EPB41L5: variants seen among roughly 807,000 people sequenced by gnomAD.
The protein encoded by EPB41L5 is band 4.1-like protein 5.
Under a neutral mutation model 106.6 loss-of-function variants are expected in EPB41L5, and 55 were observed. The observed-to-expected ratio is 0.52, with a 90% CI of 0.42 to 0.65. EPB41L5 has a LOEUF of 0.65. Ranked by LOEUF, EPB41L5 falls within the 30% of genes least tolerant of loss-of-function variation. The pLI, the probability that EPB41L5 is intolerant of heterozygous loss-of-function variation, is 0.00. For synonymous variants in EPB41L5, 297 were observed against 306.7 expected, an observed-to-expected ratio of 0.97 and a Z score of 0.33; for missense variants, 871 against 882.1, an observed-to-expected ratio of 0.99 and a Z score of 0.16.
chr2:120,079,274 C>T (rs186909803), intron 10 of EPB41L5, among the ~76,000 whole-genome samples: 7 of 152,290 alleles, frequency 4.6e-5, no homozygotes, highest in Admixed American at 2.0e-4. Flanking sequence ...TAGCCCACTA[C>T]GTATATTTTT....
intron 18 of EPB41L5, among the ~76,000 whole-genome samples, chr2:120,136,744 T>C (rs911212457): frequency 6.6e-6 from 1 of 152,070 alleles, no homozygotes; most frequent in South Asian, 2.1e-4. Context: ...TACCCAGATA[T>C]GTAGAGCAGA....
At chr2:120,034,719 GCCAGGCAT>G (rs1348260430) in intron 2 of EPB41L5, among the ~76,000 whole-genome samples, 1 of 151,872 alleles carries the variant, frequency 6.6e-6, no homozygotes, top group Non-Finnish European at 1.5e-5. Context: ...ACGAAAATTA[GCCAGGCAT>G]CATGGTGCAC....
chr2:120,049,499 T>G (rs1302614079), intron 3 of EPB41L5, among the ~76,000 whole-genome samples: 1 of 152,160 alleles, frequency 6.6e-6, no homozygotes, highest in Non-Finnish European at 1.5e-5. Flanking sequence ...GCTTTTTTTT[T>G]GTTTTCCATT....
At chr2:120,077,423 C>A in intron 9 of EPB41L5, 107 bp downstream of exon 9, 1 of 758,638 alleles carries the variant, frequency 1.3e-6, no homozygotes, top group South Asian at 2.4e-5. Flanking sequence ...CATAAGCTAG[C>A]ACTGGGTACT....
intron 8 of EPB41L5, 58 bp downstream of exon 8, chr2:120,077,149 A>G: frequency 6.3e-7 from 1 of 1,589,348 alleles, no homozygotes; most frequent in Non-Finnish European, 8.6e-7. Flanking sequence ...TTTCATATTC[A>G]TTTTCTTCTG....
chr2:120,014,607 A>G (rs905813010), intron 1 of EPB41L5, among the ~76,000 whole-genome samples: 33 of 152,374 alleles, frequency 2.2e-4, no homozygotes, highest in African/African-American at 3.8e-4. Context: ...TTTTCTGAGA[A>G]TAAGACATTT....
chr2:120,171,262 G>A (rs1404920609), intron 24 of EPB41L5, among the ~76,000 whole-genome samples: 1 of 152,172 alleles, frequency 6.6e-6, no homozygotes, highest in Non-Finnish European at 1.5e-5. Flanking sequence ...AAAATAAAAA[G>A]CAAGCCAGTT....
chr2:120,019,490 AT>A lies in EPB41L5; in HGVS notation c.180+229del, dbSNP rs3216702. Among the ~76,000 whole-genome samples, 39 of 152,306 alleles carry A rather than the reference AT, an allele frequency of 2.6e-4. No homozygotes were observed. In the East Asian group the frequency reaches 7.3e-3, roughly 29 times the overall value. On this transcript the variant is annotated intron_variant, in intron 2 of 24. Transcript: ENST00000263713. Reference sequence around the variant, plus strand: ...GGAATTAGTGGCGATTACCTGAAACATTTAAATGACAGGGCAGTTATTGGCA... The same window carrying A: ...GGAATTAGTGGCGATTACCTGAAACATTAAATGACAGGGCAGTTATTGGCA...
chr2:120,122,823 C>T (rs1433073343), intron 16 of EPB41L5, among the ~76,000 whole-genome samples: 1 of 152,202 alleles, frequency 6.6e-6, no homozygotes, highest in South Asian at 2.1e-4. Context: ...GAATGTTCTT[C>T]CAGTTGTTTG....
At chr2:120,078,678 T>C (rs376341616) in intron 10 of EPB41L5, 97 bp downstream of exon 10, 6 of 740,428 alleles carry the variant, frequency 8.1e-6, no homozygotes, top group Non-Finnish European at 1.3e-5. Context: ...TCAAATAGTT[T>C]TGAAAAACTT....
In EPB41L5 at chr2:120,024,581, C is replaced by T. The variant is rs367916534; in HGVS notation, c.180+5317C>T. ...ATGCCATTCTGCTGCCTCAGCCTCC[C>T]GAGTAGCTGGGACTACAGGTGCCTG... On this transcript the variant is annotated intron_variant, in intron 2 of 24. Transcript: ENST00000263713. Among the ~76,000 whole-genome samples the T allele has an allele frequency of 8.9e-4, 135 of 152,162 alleles. 1 individual carries two copies. Among genetic ancestry groups the T allele is most frequent in the Admixed American group, 2.3e-3 (35 of 15,278 alleles).
chr2:120,178,031 C>T lies in EPB41L5; in HGVS notation c.*3124C>T, dbSNP rs906474370. On this transcript the variant is annotated 3_prime_UTR_variant, in exon 25 of 25. Transcript: ENST00000263713. ...TTTTCTAAGTAAGAGTCTCGAGAAGCAGAGTTTTTGTCTTGTCATTGAGAG... is the reference window on the plus strand; with the variant it reads ...TTTTCTAAGTAAGAGTCTCGAGAAGTAGAGTTTTTGTCTTGTCATTGAGAG... 6.5e-6 allele frequency: 1 copy of T among 152,686 alleles called. No homozygotes were observed. The highest frequency in any genetic ancestry group is 1.5e-5 in the Non-Finnish European group (1 of 68,042). The allele number at this position is 152,686 out of a possible 1,614,324, so 9.5% of individuals were successfully genotyped here.
chr2:120,123,576 A>G (rs369779076), intron 16 of EPB41L5, among the ~76,000 whole-genome samples: 1 of 151,552 alleles, frequency 6.6e-6, no homozygotes, highest in Admixed American at 6.6e-5. Context: ...CTAATTTAAC[A>G]ATTTCCCCTT....
rs537658292 is a variant in EPB41L5 at position 120,168,542 on chromosome 2, C to T, written c.2135+535C>T. Among the ~76,000 whole-genome samples, 451 of 152,288 alleles carry T rather than the reference C, an allele frequency of 3.0e-3. 1 individual carries two copies. Among genetic ancestry groups the T allele is most frequent in the Non-Finnish European group, 4.9e-3 (334 of 68,014 alleles). On this transcript the variant is annotated intron_variant, in intron 24 of 24. Coordinates refer to ENST00000263713, the MANE Select transcript of EPB41L5 (RefSeq NM_020909.4). ...TTCTTCAACTTTTGATTTGCTAGAA[C>T]CATAACTGCACCTGTTTTACAAAAG...
chr2:120,078,554 G>A lies in EPB41L5; in HGVS notation c.776G>A (p.Gly259Glu). ...CCAACAGGAGTCCTTGTTTTTGAAG[G>A]AGATACCAAAATTGGCTTATTTTTT... ...LTPTGVLVFE[G>E]DTKIGLFFWP... The change falls in exon 10 of 25, where the codon GGA (glycine) becomes GAA (glutamate). Residue 259 changes from glycine to glutamate, a missense_variant. Coordinates refer to ENST00000263713, the MANE Select transcript of EPB41L5 (RefSeq NM_020909.4). 3 of 1,605,574 alleles carry A rather than the reference G, an allele frequency of 1.9e-6. No individual in the cohort carries two copies. The highest frequency in any genetic ancestry group is 2.2e-5 in the South Asian group (2 of 90,004).
chr2:120,081,967 G>A (rs1230906157), intron 10 of EPB41L5, among the ~76,000 whole-genome samples: 1 of 152,210 alleles, frequency 6.6e-6, no homozygotes, highest in Non-Finnish European at 1.5e-5. Flanking sequence ...TTTGTATACT[G>A]AGACTTTGCT....
intron 16 of EPB41L5, among the ~76,000 whole-genome samples, chr2:120,126,916 A>G (rs532410115): frequency 6.6e-6 from 1 of 152,306 alleles, no homozygotes; most frequent in South Asian, 2.1e-4. Flanking sequence ...TTAAAAGTCT[A>G]TTTATTTAGA....
intron 3 of EPB41L5, among the ~76,000 whole-genome samples, chr2:120,062,007 T>G (rs1681117920): frequency 6.6e-6 from 1 of 152,194 alleles, no homozygotes; most frequent in Non-Finnish European, 1.5e-5. Flanking sequence ...TTGATTTTTT[T>G]GAGATCCCTA....
rs1685549321 is a variant in EPB41L5 at position 120,128,282 on chromosome 2, C to CACACACACAT, written c.1501+432_1501+441dup. On this transcript the variant is annotated intron_variant, in intron 17 of 24. Coordinates refer to ENST00000263713, the MANE Select transcript of EPB41L5 (RefSeq NM_020909.4). ...ACACACACACACACACACACACACA[C>CACACACACAT]ACACACACATTTTTGAAGGTTAAAA... Among the ~76,000 whole-genome samples the CACACACACAT allele has an allele frequency of 1.3e-5, 2 of 151,874 alleles. 1 individual carries two copies. Among genetic ancestry groups the CACACACACAT allele is most frequent in the South Asian group, 4.2e-4 (2 of 4,812 alleles).
Sources: allele counts gnomAD v4.1 joint callset (sites outside exome capture counted in the v4.1 genomes callset), GRCh38; gene constraint gnomAD v4.1.1; transcripts MANE v1.5; gene names NCBI Gene and HGNC (gene_info 2026-07-23, HGNC 2026-07-21).